Variants in CHGB observed in about 807,000 individuals in gnomAD.
CHGB encodes chromogranin B.
In CHGB, 46 loss-of-function variants were observed where a neutral mutation model predicts 69.9. The observed-to-expected ratio is 0.66, with a 90% CI of 0.52 to 0.84. CHGB has a LOEUF of 0.84. Ranked by LOEUF, CHGB falls within the 40% of genes least tolerant of loss-of-function variation. The pLI, the probability that CHGB is intolerant of heterozygous loss-of-function variation, is 0.00. For synonymous variants in CHGB, 312 were observed against 298.2 expected (o/e 1.05, Z -0.48); for missense variants, 796 against 822.2 (o/e 0.97, Z 0.39).
chr20:5,921,957 A>G (rs1600213820), intron 3 of CHGB, among the ~76,000 whole-genome samples: 1 of 152,224 alleles, frequency 6.6e-6, no homozygotes. Flanking sequence ...GGATTATACC[A>G]TGCTGAGTCT....
chr20:5,913,628 CTTTT>C (rs918275521), intron 1 of CHGB, among the ~76,000 whole-genome samples: 8 of 90,450 alleles, frequency 8.8e-5, no homozygotes, highest in African/African-American at 3.0e-4. Context: ...CTTTTCTTTT[CTTTT>C]TTTTTTTTTT....
At chr20:5,912,630 GTGTGTGTGTGTGCA>G (rs1484971570) in intron 1 of CHGB, among the ~76,000 whole-genome samples, 1 of 151,528 alleles carries the variant, frequency 6.6e-6, no homozygotes, top group Non-Finnish European at 1.5e-5. Flanking sequence ...AAGATCTGAA[GTGTGTGTGTGTGCA>G]TGTGTGTGTG....
chr20:5,922,056 A>G (rs192803934), intron 3 of CHGB, among the ~76,000 whole-genome samples: 15 of 152,344 alleles, frequency 9.8e-5, no homozygotes, highest in Admixed American at 7.8e-4. Context: ...ATAAATCTAT[A>G]TCTCGATTTC....
rs746229002 is a variant in CHGB, at chr20:5,923,599, G to GC, written c.1456dup (p.Gln486ProfsTer8). 26 of 1,614,018 alleles carry GC rather than the reference G, an allele frequency of 1.6e-5. No homozygotes were observed. The African/African-American group carries it at 3.2e-4, about 20-fold the overall frequency. ...AAGGAGCCCCAGGGAAGTGGCAGCA[G>GC]CAGGGAGACCTGCAGGACACTAAAG... On this transcript the variant is annotated frameshift_variant, in exon 4 of 5. Coordinates refer to ENST00000378961, the MANE Select transcript of CHGB (RefSeq NM_001819.3). LOFTEE classifies it high-confidence loss of function.
At chr20:5,912,230 G>A (rs2088451073) in intron 1 of CHGB, among the ~76,000 whole-genome samples, 1 of 152,148 alleles carries the variant, frequency 6.6e-6, no homozygotes, top group Non-Finnish European at 1.5e-5. Context: ...TATATAATGT[G>A]TGTGTATGTG....
chr20:5,916,990 C>T, intron 3 of CHGB, 71 bp downstream of exon 3: 1 of 1,361,542 alleles, frequency 7.3e-7, no homozygotes, highest in Admixed American at 1.7e-5. Context: ...TCCACATCAC[C>T]TTCTACTTTA....
In CHGB at chr20:5,922,887, A is replaced by ATCAC. The variant is rs1356457780; in HGVS notation, c.744_747dup (p.Pro250SerfsTer6). The ATCAC allele has an allele frequency of 2.9e-5, 46 of 1,613,538 alleles. No homozygotes were observed. The highest frequency in any genetic ancestry group is 3.8e-5 in the Non-Finnish European group (45 of 1,179,818). On this transcript the variant is annotated frameshift_variant, in exon 4 of 5. Transcript: ENST00000378961. LOFTEE classifies it high-confidence loss of function. ...GGAGAGGAGACAGGGAGCCAGGAGA[A>ATCAC]TCACCCCCAGGAGTCTAAAGGCCAA...
Position 5,923,799 on chromosome 20 carries a change from A to G in CHGB, c.1655A>G (p.Glu552Gly). 1 of 1,614,242 alleles carries G rather than the reference A, an allele frequency of 6.2e-7. No homozygotes were observed. Among genetic ancestry groups the G allele is most frequent in the South Asian group, 1.1e-5 (1 of 91,084 alleles). ...MNDNFLEGEE[E>G]NELTLNEKNF... is the part of the protein sequence containing the mutation. Reference sequence around the variant, plus strand: ...GACAATTTTCTCGAGGGTGAGGAGGAAAATGAGCTGACCTTGAACGAGAAG... The same window carrying G: ...GACAATTTTCTCGAGGGTGAGGAGGGAAATGAGCTGACCTTGAACGAGAAG... Residue 552 changes from glutamate to glycine, a missense_variant, in exon 4 of 5, where the codon GAA becomes GGA. Glu to Gly is a moderately conservative substitution (Grantham distance 98). Coordinates refer to ENST00000378961, the MANE Select transcript of CHGB (RefSeq NM_001819.3).
At position 5,925,264 on chromosome 20, in the gene CHGB, T is replaced by C. The variant is rs1197611391; in HGVS notation, c.*215T>C. On this transcript the variant is annotated 3_prime_UTR_variant, in exon 5 of 5. Transcript: ENST00000378961. Reference sequence around the variant, plus strand: ...TTGTAGCATATTCTTTTCTGCAAAATAGACATATTAACATGCTTATGACAA... The same window carrying C: ...TTGTAGCATATTCTTTTCTGCAAAACAGACATATTAACATGCTTATGACAA... 1 of 406,116 alleles carries C rather than the reference T, an allele frequency of 2.5e-6. No homozygotes were observed. Among genetic ancestry groups the C allele is most frequent in the African/African-American group, 2.1e-5 (1 of 47,962 alleles). The allele number at this position is 406,116 out of a possible 1,614,324, so 25.2% of individuals were successfully genotyped here.
At chr20:5,912,342 T>C (rs2088451551) in intron 1 of CHGB, among the ~76,000 whole-genome samples, 1 of 152,232 alleles carries the variant, frequency 6.6e-6, no homozygotes, top group Non-Finnish European at 1.5e-5. Flanking sequence ...GAATTATTTT[T>C]TTTTAACCTG....
chr20:5,920,310 A>T (rs1046802391), intron 3 of CHGB, among the ~76,000 whole-genome samples: 2 of 152,242 alleles, frequency 1.3e-5, no homozygotes, highest in African/African-American at 4.8e-5. Flanking sequence ...ATCTTGTCTG[A>T]TCAGCTCTAT....
rs1391902973 is a variant in CHGB at position 5,923,146 on chromosome 20, T to A, written c.1002T>A (p.Ala334=). 7.4e-6 allele frequency: 12 copies of A among 1,614,020 alleles called. No homozygotes were observed. Among genetic ancestry groups the A allele is most frequent in the Non-Finnish European group, 1.0e-5 (12 of 1,179,990 alleles). ...ACCACCATTCAACCCACTACAGGGC[T>A]TCAGAGGAAGAACCTGAATATGGAG... ...KRDHHSTHYR[A]SEEEPEYGEE... The change falls in exon 4 of 5, where the codon GCT becomes GCA. Residue 334 remains alanine, a synonymous_variant. Transcript: ENST00000378961.
At position 5,923,555 on chromosome 20, in the gene CHGB, TATCTC is replaced by T. The variant is rs781567365; in HGVS notation, c.1413_1417del (p.Tyr471Ter). On this transcript the variant is annotated frameshift_variant, in exon 4 of 5. Transcript: ENST00000378961. LOFTEE classifies it high-confidence loss of function. Reference sequence around the variant, plus strand: ...TGCGTGGAAAGAGCTGGACAGAAATTATCTCAACTACGGTGAGGAAGGAGCCCCAG... The same window carrying T: ...TGCGTGGAAAGAGCTGGACAGAAATTAACTACGGTGAGGAAGGAGCCCCAG... 1.2e-6 allele frequency: 2 copies of T among 1,614,022 alleles called. No individual in the cohort carries two copies. The highest frequency in any genetic ancestry group is 1.7e-6 in the Non-Finnish European group (2 of 1,180,008).
In CHGB at chr20:5,915,312, G is replaced by A. The variant is rs560755019; in HGVS notation, c.50-1014G>A. On this transcript the variant is annotated intron_variant, in intron 1 of 4. Coordinates refer to ENST00000378961, the MANE Select transcript of CHGB (RefSeq NM_001819.3). The stretch of plus-strand genomic sequence containing the variant: ...CTTCAAACACTGTTTTAAGATAGGC[G>A]GAATCCCATGAAATTTTATTGAAAT... Among the ~76,000 whole-genome samples, 39 of 152,142 alleles carry A rather than the reference G, an allele frequency of 2.6e-4. No individual in the cohort carries two copies. The South Asian group carries it at 4.6e-3, about 18-fold the overall frequency.
At position 5,922,417 on chromosome 20, in the gene CHGB, T is replaced by A; in HGVS notation, c.273T>A (p.Asp91Glu). 6.2e-7 allele frequency: 1 copy of A among 1,608,766 alleles called. No individual in the cohort carries two copies. Among genetic ancestry groups the A allele is most frequent in the Non-Finnish European group, 8.5e-7 (1 of 1,175,568 alleles). The change falls in exon 4 of 5, where the codon GAT becomes GAA. Residue 91 changes from aspartate to glutamate, a missense_variant. Physicochemically the swap from Asp to Glu is conservative, Grantham distance 45. Transcript: ENST00000378961. ...TAAGATTGTTAAGAGACCCAGCTGATGCCTCGGAAGCCCACGAGTCCTCCA... is the reference window on the plus strand; with the variant it reads ...TAAGATTGTTAAGAGACCCAGCTGAAGCCTCGGAAGCCCACGAGTCCTCCA... ...FEVRLLRDPA[D>E]ASEAHESSSR...
At chr20:5,920,588 T>G (rs1415894497) in intron 3 of CHGB, among the ~76,000 whole-genome samples, 2 of 152,230 alleles carry the variant, frequency 1.3e-5, no homozygotes, top group Admixed American at 1.3e-4. Context: ...CCATTGTAAG[T>G]GCTCTACCTT....
chr20:5,911,513 C>A lies in CHGB; in HGVS notation c.-121C>A. Reference sequence around the variant, plus strand: ...CGGGGCCTGCGCCGGCCGCGCCACACCGCGGGGACCAGGAGGCACGCTGGT... The same window carrying A: ...CGGGGCCTGCGCCGGCCGCGCCACAACGCGGGGACCAGGAGGCACGCTGGT... On this transcript the variant is annotated 5_prime_UTR_variant, in exon 1 of 5. Coordinates refer to ENST00000378961, the MANE Select transcript of CHGB (RefSeq NM_001819.3). 8 of 1,095,052 alleles carry A rather than the reference C, an allele frequency of 7.3e-6. No homozygotes were observed. The highest frequency in any genetic ancestry group is 1.0e-5 in the Non-Finnish European group (8 of 773,044). The allele number at this position is 1,095,052 out of a possible 1,614,324, so 67.8% of individuals were successfully genotyped here.
At chr20:5,924,255 G>A (rs566156807) in intron 4 of CHGB, among the ~76,000 whole-genome samples, 155 bp downstream of exon 4, 36 of 152,292 alleles carry the variant, frequency 2.4e-4, no homozygotes, top group African/African-American at 7.9e-4. Context: ...CTTGGGGGTC[G>A]GTTTCCACCT....
chr20:5,918,363 A>G (rs1019123583), intron 3 of CHGB, among the ~76,000 whole-genome samples: 16 of 151,972 alleles, frequency 1.1e-4, no homozygotes, highest in Admixed American at 5.9e-4. Flanking sequence ...GCCTGGATAC[A>G]GCCTGGGTGG....
Sources: allele counts gnomAD v4.1 joint callset (sites outside exome capture counted in the v4.1 genomes callset), GRCh38; gene constraint gnomAD v4.1.1; transcripts MANE v1.5; gene names NCBI Gene and HGNC (gene_info 2026-07-23, HGNC 2026-07-21).